ULK4: variants seen among roughly 807,000 people sequenced by gnomAD.
ULK4 encodes the protein inactive serine/threonine-protein kinase ULK4.
Under a neutral mutation model 160.6 loss-of-function variants are expected in ULK4, and 133 were observed. That is an observed-to-expected ratio of 0.83 (90% confidence interval 0.72 to 0.96). ULK4 has a LOEUF of 0.96. ULK4 is among the 40% of genes least tolerant of loss of function. The pLI is 0.00. For missense variants in ULK4, 1,580 were observed against 1,499.5 expected (o/e 1.05, Z -0.89); for synonymous variants, 534 against 539.8 (o/e 0.99, Z 0.15).
chr3:41,404,984 T>G (rs1416635376), intron 34 of ULK4, among the ~76,000 whole-genome samples: 1 of 152,224 alleles, frequency 6.6e-6, no homozygotes, highest in Non-Finnish European at 1.5e-5. Flanking sequence ...TGATTTCAAC[T>G]TTTATTTTAG....
chr3:41,663,770 G>A (rs2125763356), intron 29 of ULK4, 71 bp from the exon 30 acceptor site: 8 of 1,233,412 alleles, frequency 6.5e-6, no homozygotes, highest in Non-Finnish European at 9.5e-6. Context: ...TCTATATCCA[G>A]CCAAACTATC....
At chr3:41,535,618 C>G (rs1181986293) in intron 32 of ULK4, among the ~76,000 whole-genome samples, 1 of 152,214 alleles carries the variant, frequency 6.6e-6, no homozygotes, top group Admixed American at 6.5e-5. Context: ...CACATATACT[C>G]AATGCCCACA....
At chr3:41,462,949 CAG>C (rs1274771927) in intron 33 of ULK4, 136 bp downstream of exon 33, 3 of 1,064,308 alleles carry the variant, frequency 2.8e-6, no homozygotes, top group East Asian at 2.7e-5. Flanking sequence ...GATGACTCTT[CAG>C]AAGACACTCT....
intron 30 of ULK4, among the ~76,000 whole-genome samples, chr3:41,642,752 G>A (rs2034281320): frequency 6.6e-6 from 1 of 152,206 alleles, no homozygotes; most frequent in Admixed American, 6.5e-5. Flanking sequence ...CTAGATCCCT[G>A]AAGAATCACC....
At chr3:41,838,483 T>A (rs1204380382) in intron 17 of ULK4, among the ~76,000 whole-genome samples, 1 of 151,302 alleles carries the variant, frequency 6.6e-6, no homozygotes, top group Non-Finnish European at 1.5e-5. Flanking sequence ...CTAAAAAGAA[T>A]CCATACAAAG....
chr3:41,613,463 T>C (rs2032802954), intron 31 of ULK4, among the ~76,000 whole-genome samples: 1 of 151,818 alleles, frequency 6.6e-6, no homozygotes, highest in African/African-American at 2.4e-5. Context: ...AAAGCAATGG[T>C]AAAACACCAT....
At position 41,617,765 on chromosome 3, in the gene ULK4, G is replaced by T. The variant is rs926386486; in HGVS notation, c.3072-2048C>A. Among the ~76,000 whole-genome samples the T allele has an allele frequency of 3.3e-5, 5 of 152,122 alleles. No homozygotes were observed. The South Asian group carries it at 6.2e-4, about 19-fold the overall frequency. Reference sequence around the variant, plus strand: ...CAGCAAGGGCACAAAACTGGATGGGGAATAAGTTTTACAAATTAACAGAAG... The same window carrying T: ...CAGCAAGGGCACAAAACTGGATGGGTAATAAGTTTTACAAATTAACAGAAG... On this transcript the variant is annotated intron_variant, in intron 30 of 36. Coordinates refer to ENST00000301831, the MANE Select transcript of ULK4 (RefSeq NM_017886.4).
intron 22 of ULK4, among the ~76,000 whole-genome samples, chr3:41,751,227 A>G (rs1310805649): frequency 6.6e-6 from 1 of 152,178 alleles, no homozygotes; most frequent in Non-Finnish European, 1.5e-5. Flanking sequence ...AAGGTGGTGT[A>G]GTCTTTCTAG....
At chr3:41,389,331 A>C (rs2081898232) in intron 35 of ULK4, among the ~76,000 whole-genome samples, 1 of 152,120 alleles carries the variant, frequency 6.6e-6, no homozygotes, top group Non-Finnish European at 1.5e-5. Context: ...GGACAATTTG[A>C]CTTCCTGTTT....
intron 21 of ULK4, among the ~76,000 whole-genome samples, chr3:41,771,630 C>G (rs892776148): frequency 6.6e-6 from 1 of 151,992 alleles, no homozygotes; most frequent in Non-Finnish European, 1.5e-5. Flanking sequence ...TAAAAGCTAC[C>G]CATGTGGTAG....
intron 3 of ULK4, chr3:41,937,375 T>C: frequency 1.5e-6 from 1 of 681,892 alleles, no homozygotes; most frequent in Non-Finnish European, 2.7e-6. Context: ...AAATAAGTTA[T>C]TAATCCAAAT....
At chr3:41,374,811 A>G (rs1330861157) in intron 35 of ULK4, among the ~76,000 whole-genome samples, 1 of 152,200 alleles carries the variant, frequency 6.6e-6, no homozygotes, top group East Asian at 1.9e-4. Flanking sequence ...AGAAAGAAAT[A>G]AAGGGTATTC....
chr3:41,900,769 T>G lies in ULK4; in HGVS notation c.1243A>C (p.Thr415Pro), dbSNP rs375116628. 48 of 1,613,678 alleles carry G rather than the reference T, an allele frequency of 3.0e-5. No individual in the cohort carries two copies. In the African/African-American group the frequency reaches 4.5e-4, roughly 15 times the overall value. ...LESQMRELIY[T>P]DSDLVVTPII... ...GGGGTGACAACAAGATCTGAGTCCG[T>G]GTAGATAAGCTCTCTCATCTGGGAT... Residue 415 changes from threonine (T) to proline (P), a missense_variant, in exon 13 of 37, where the codon ACG becomes CCG. Transcript: ENST00000301831.
At chr3:41,746,947 G>A (rs1383628003) in intron 22 of ULK4, among the ~76,000 whole-genome samples, 1 of 151,730 alleles carries the variant, frequency 6.6e-6, no homozygotes, top group Admixed American at 6.6e-5. Context: ...AATATCCACA[G>A]GCAAAAACCA....
intron 32 of ULK4, 32 bp from the exon 33 acceptor site, chr3:41,463,285 C>T: frequency 6.3e-7 from 1 of 1,599,378 alleles, no homozygotes; most frequent in Non-Finnish European, 8.5e-7. Context: ...AAAAAAACCT[C>T]ATCATTAAGT....
chr3:41,632,394 G>A (rs186616675), intron 30 of ULK4, among the ~76,000 whole-genome samples: 1 of 152,246 alleles, frequency 6.6e-6, no homozygotes, highest in East Asian at 1.9e-4. Context: ...ATAACTTAAT[G>A]GAATACAAGA....
At chr3:41,895,227 T>C (rs565778575) in intron 16 of ULK4, among the ~76,000 whole-genome samples, 89 of 152,176 alleles carry the variant, frequency 5.8e-4, no homozygotes, top group African/African-American at 2.0e-3. Context: ...CTGTGCAACA[T>C]AGTGAGAGAC....
chr3:41,736,928 A>G (rs2038073407), intron 22 of ULK4, among the ~76,000 whole-genome samples: 1 of 151,864 alleles, frequency 6.6e-6, no homozygotes, highest in Admixed American at 6.6e-5. Context: ...CAGTTTTCCC[A>G]GCACCATTTA....
chr3:41,505,372 A>C (rs142985225), intron 32 of ULK4, among the ~76,000 whole-genome samples: 110 of 152,280 alleles, frequency 7.2e-4, no homozygotes, highest in Middle Eastern at 3.4e-3. Flanking sequence ...AACCAGAATC[A>C]TATATGAGAT....
Sources: gnomAD v4.1 joint callset for allele counts (sites outside exome capture counted in the v4.1 genomes callset) on GRCh38, gnomAD v4.1.1 for gene constraint, MANE v1.5 for transcripts, NCBI Gene and HGNC (gene_info 2026-07-23, HGNC 2026-07-21) for gene names.